GRIN2A: variants seen among roughly 807,000 people sequenced by gnomAD.
GRIN2A encodes glutamate receptor ionotropic, NMDA 2A.
GRIN2A carries 22 observed loss-of-function variants against 113.4 expected under a neutral mutation model. That is an observed-to-expected ratio of 0.19 (90% CI 0.14 to 0.28). The LOEUF (loss-of-function observed/expected upper bound fraction) is 0.28. Among genes scored for constraint, GRIN2A ranks in the 10% least tolerant of loss-of-function variants. The pLI is 1.00. For missense variants in GRIN2A, 1,502 were observed against 1,887.0 expected, an observed-to-expected ratio of 0.80 and a Z score of 3.78; for synonymous variants, 827 against 738.4, an observed-to-expected ratio of 1.12 and a Z score of -1.94.
intron 2 of GRIN2A, among the ~76,000 whole-genome samples, chr16:10,065,391 CTCTA>C (rs1402573610): frequency 1.3e-5 from 2 of 152,192 alleles, no homozygotes; most frequent in African/African-American, 2.4e-5. Flanking sequence ...GATTTTCTTT[CTCTA>C]TCTAGCACAA....
rs1017861819 is a variant in GRIN2A, at chr16:10,112,417, T to C, written c.414+67581A>G. On this transcript the variant is annotated intron_variant, in intron 2 of 12. Coordinates refer to ENST00000330684, the MANE Select transcript of GRIN2A (RefSeq NM_001134407.3). Reference sequence around the variant, plus strand: ...TGCGGTCAGCCCCAGGGCACTGCTGTGTACAAGGTGGCCAAGTACGCTCAG... The same window carrying C: ...TGCGGTCAGCCCCAGGGCACTGCTGCGTACAAGGTGGCCAAGTACGCTCAG... 2.1e-5 allele frequency: 15 copies of C among 728,120 alleles called. No homozygotes were observed. The East Asian group carries it at 3.7e-4, about 18-fold the overall frequency. 45.1% of individuals were successfully genotyped at this position (728,120 alleles called of 1,614,324 possible).
chr16:10,122,403 G>A (rs566902158), intron 2 of GRIN2A, among the ~76,000 whole-genome samples: 5 of 152,216 alleles, frequency 3.3e-5, no homozygotes, highest in Non-Finnish European at 7.4e-5. Context: ...GTAGGGGCAC[G>A]GCTGCAAAGT....
At chr16:10,098,068 C>A (rs2048326670) in intron 2 of GRIN2A, among the ~76,000 whole-genome samples, 1 of 151,934 alleles carries the variant, frequency 6.6e-6, no homozygotes, top group Non-Finnish European at 1.5e-5. Context: ...CTAGAATCTA[C>A]AAGGAACTCA....
chr16:10,130,430 G>A (rs1351476748), intron 2 of GRIN2A, among the ~76,000 whole-genome samples: 1 of 152,200 alleles, frequency 6.6e-6, no homozygotes, highest in Non-Finnish European at 1.5e-5. Context: ...GGGCATCTGT[G>A]CCTTTGCAAA....
chr16:10,029,745 A>C (rs2046893593), intron 2 of GRIN2A, among the ~76,000 whole-genome samples: 1 of 152,010 alleles, frequency 6.6e-6, no homozygotes, highest in Non-Finnish European at 1.5e-5. Context: ...CTGTAATCCC[A>C]GCACTTTGGG....
chr16:9,766,326 G>T (rs1047625429), intron 12 of GRIN2A, among the ~76,000 whole-genome samples: 1 of 152,198 alleles, frequency 6.6e-6, no homozygotes, highest in Non-Finnish European at 1.5e-5. Context: ...GGATGCTCAC[G>T]GAACTGTGAC....
chr16:10,129,249 T>C (rs1383667874), intron 2 of GRIN2A, among the ~76,000 whole-genome samples: 2 of 152,002 alleles, frequency 1.3e-5, no homozygotes. Flanking sequence ...TGAAGTCATT[T>C]TAGTTTTTAG....
chr16:9,887,796 C>T (rs542061802), intron 4 of GRIN2A, among the ~76,000 whole-genome samples: 2 of 152,266 alleles, frequency 1.3e-5, no homozygotes, highest in African/African-American at 4.8e-5. Context: ...GCGTGGCTCA[C>T]GCCTGTGATC....
At chr16:9,882,058 C>T (rs182203807) in intron 4 of GRIN2A, among the ~76,000 whole-genome samples, 24 of 152,034 alleles carry the variant, frequency 1.6e-4, no homozygotes, top group Admixed American at 4.6e-4. Flanking sequence ...ACACAACACA[C>T]ACACACACAC....
intron 4 of GRIN2A, among the ~76,000 whole-genome samples, chr16:9,877,440 C>T (rs2043389503): frequency 6.6e-6 from 1 of 152,144 alleles, no homozygotes; most frequent in Admixed American, 6.5e-5. Flanking sequence ...TTGCCATCTC[C>T]AGTTGAAGGT....
rs143348523 is a variant in GRIN2A at position 10,036,313 on chromosome 16, T to C, written c.415-97762A>G. Among the ~76,000 whole-genome samples, 112 of 152,188 alleles carry C rather than the reference T, an allele frequency of 7.4e-4. 2 individuals carry two copies. The East Asian group carries it at 0.021, about 29-fold the overall frequency. On this transcript the variant is annotated intron_variant, in intron 2 of 12. Transcript: ENST00000330684. Reference sequence around the variant, plus strand: ...AAGTGTAAGATCAAGGTGTCGGTGGTTCCCTCTGGAGTCTCTGAAGGACAA... The same window carrying C: ...AAGTGTAAGATCAAGGTGTCGGTGGCTCCCTCTGGAGTCTCTGAAGGACAA...
At chr16:9,968,005 A>G (rs567071815) in intron 2 of GRIN2A, among the ~76,000 whole-genome samples, 1 of 152,218 alleles carries the variant, frequency 6.6e-6, no homozygotes, top group South Asian at 2.1e-4. Context: ...ACAGTGTTTC[A>G]TTATTTCCAA....
At chr16:10,000,558 G>C (rs2046301951) in intron 2 of GRIN2A, among the ~76,000 whole-genome samples, 1 of 151,966 alleles carries the variant, frequency 6.6e-6, no homozygotes, top group Non-Finnish European at 1.5e-5. Context: ...AGTCTATAGA[G>C]TCCTTTAAGG....
At chr16:10,082,951 T>TA (rs1277086032) in intron 2 of GRIN2A, among the ~76,000 whole-genome samples, 1 of 152,212 alleles carries the variant, frequency 6.6e-6, no homozygotes, top group East Asian at 1.9e-4. Flanking sequence ...CATTCTTTTT[T>TA]AAAATTAAAA....
chr16:10,108,910 T>C (rs2048552199), intron 2 of GRIN2A, among the ~76,000 whole-genome samples: 1 of 151,406 alleles, frequency 6.6e-6, no homozygotes, highest in African/African-American at 2.4e-5. Flanking sequence ...GAAGCCACCT[T>C]AGGTAGAATG....
intron 2 of GRIN2A, among the ~76,000 whole-genome samples, chr16:9,988,459 C>T (rs1350056567): frequency 3.3e-5 from 5 of 152,112 alleles, no homozygotes; most frequent in Non-Finnish European, 7.3e-5. Flanking sequence ...CACCAGAAAC[C>T]TTCCTCCAGC....
chr16:10,093,057 C>T (rs2048213658), intron 2 of GRIN2A, among the ~76,000 whole-genome samples: 1 of 152,074 alleles, frequency 6.6e-6, no homozygotes, highest in Admixed American at 6.5e-5. Context: ...CCAGGCTGGC[C>T]TCAAACTCCT....
intron 2 of GRIN2A, among the ~76,000 whole-genome samples, chr16:9,959,349 T>C (rs1231868350): frequency 2.0e-5 from 3 of 152,236 alleles, no homozygotes; most frequent in Non-Finnish European, 2.9e-5. Flanking sequence ...TATGATGTTC[T>C]GTCTCCTCCT....
intron 2 of GRIN2A, among the ~76,000 whole-genome samples, chr16:10,134,139 T>A (rs2049135932): frequency 7.1e-6 from 1 of 141,538 alleles, no homozygotes; most frequent in Non-Finnish European, 1.5e-5. Context: ...GAAGGTGCAG[T>A]GAGTGATCAC....
Sources: allele counts gnomAD v4.1 joint callset (sites outside exome capture counted in the v4.1 genomes callset), GRCh38; gene constraint gnomAD v4.1.1; transcripts MANE v1.5; gene names NCBI Gene and HGNC (gene_info 2026-07-23, HGNC 2026-07-21).